The following ABCB9 variants were observed in gnomAD, a reference collection of about 807,000 sequenced individuals.
The protein encoded by ABCB9 is ABC-type oligopeptide transporter ABCB9.
A neutral mutation model predicts 62.0 loss-of-function variants in ABCB9; 36 were observed. That is an observed-to-expected ratio of 0.58 (90% confidence interval 0.45 to 0.77). The LOEUF is 0.77. Among genes scored for constraint, ABCB9 ranks in the 30% least tolerant of loss-of-function variants. The pLI, the probability that ABCB9 is intolerant of heterozygous loss-of-function variation, is 0.00. For missense variants in ABCB9, 943 were observed against 1,054.7 expected (o/e 0.89, Z 1.47); for synonymous variants, 435 against 461.4 (o/e 0.94, Z 0.73).
chr12:122,954,295 G>A (rs1240292245), intron 2 of ABCB9, among the ~76,000 whole-genome samples: 1 of 151,978 alleles, frequency 6.6e-6, no homozygotes, highest in South Asian at 2.1e-4. Flanking sequence ...AGCAACCTCT[G>A]CCTCCTGGGT....
chr12:122,925,710 C>T (rs968476353), downstream of ABCB9, among the ~76,000 whole-genome samples: 2 of 152,080 alleles, frequency 1.3e-5, no homozygotes, highest in Non-Finnish European at 2.9e-5. Context: ...ATTGCATCAC[C>T]GCACTCCAAC....
rs1210149597 is a variant in ABCB9, at chr12:122,929,414, C to T, written c.*497G>A. The T allele has an allele frequency of 1.4e-5, 14 of 986,724 alleles. No individual in the cohort carries two copies. Among genetic ancestry groups the T allele is most frequent in the Non-Finnish European group, 1.6e-5 (13 of 830,582 alleles). The allele number at this position is 986,724 out of a possible 1,614,324, so 61.1% of individuals were successfully genotyped here. A position where few individuals can be genotyped will look rare whatever the true frequency, so the allele number is the denominator to read the frequency against. On this transcript the variant is annotated 3_prime_UTR_variant, in exon 12 of 12. Transcript: ENST00000280560. The surrounding 1 kb of genome is among the most constrained non-coding windows in gnomAD (Gnocchi z 6.0). ...GGGAGAGACGGAAAATCCCGTTCCC[C>T]GTGTCTCCCTCCGGGACAGGGAAGC...
rs769519470 is a variant in ABCB9 at position 122,950,552 on chromosome 12, C to T, written c.615G>A (p.Leu205=). 3.7e-6 allele frequency: 6 copies of T among 1,612,170 alleles called. No individual in the cohort carries two copies. In the African/African-American group the frequency reaches 4.0e-5, roughly 11 times the overall value. ...CAATGGCGCGGCCCGTGTAGTAGGG[C>T]AGGAAGGTCTCTCCTGGGGGAGGCA... is the stretch of plus-strand genomic sequence containing the variant. ...LIVAALGETF[L]PYYTGRAIDG... is the part of the protein sequence containing the mutation. The change falls in exon 3 of 12, where the codon CTG becomes CTA. Residue 205 remains leucine (L), a synonymous_variant. Coordinates refer to ENST00000280560, the MANE Select transcript of ABCB9 (RefSeq NM_019625.4).
chr12:122,960,904 A>G (rs2036859975), intron 1 of ABCB9, among the ~76,000 whole-genome samples: 1 of 148,926 alleles, frequency 6.7e-6, no homozygotes, highest in Non-Finnish European at 1.5e-5. Context: ...CAAACAAACA[A>G]ACAAACATTA....
chr12:122,924,512 G>T, downstream of ABCB9: 1 of 932,410 alleles, frequency 1.1e-6, no homozygotes, highest in Non-Finnish European at 1.4e-6. Flanking sequence ...TTACAGACAT[G>T]GGCCTCTATG....
At chr12:122,931,098 C>T (rs1313571419) in intron 11 of ABCB9, among the ~76,000 whole-genome samples, 1 of 152,022 alleles carries the variant, frequency 6.6e-6, no homozygotes, top group Non-Finnish European at 1.5e-5. Flanking sequence ...AATCTCGGCT[C>T]ATTGCAACCT....
At chr12:122,956,990 C>T (rs781494437) in intron 2 of ABCB9, among the ~76,000 whole-genome samples, 61 of 151,836 alleles carry the variant, frequency 4.0e-4, no homozygotes, top group Non-Finnish European at 5.9e-4. Context: ...AGCTAACAAC[C>T]CTGAGCACTT....
upstream of ABCB9, among the ~76,000 whole-genome samples, chr12:122,968,433 G>A (rs2135939761): frequency 1.3e-5 from 2 of 152,264 alleles, no homozygotes; most frequent in Non-Finnish European, 2.9e-5. Context: ...TTCAGTAAAG[G>A]AGAACAAGGA....
At chr12:122,962,845 A>C (rs982466164) in intron 1 of ABCB9, among the ~76,000 whole-genome samples, 23 of 152,190 alleles carry the variant, frequency 1.5e-4, no homozygotes, top group African/African-American at 5.3e-4. Context: ...CATCCCTTCC[A>C]CTTAACAGAT....
intron 6 of ABCB9, among the ~76,000 whole-genome samples, chr12:122,945,675 C>T (rs1271181753): frequency 4.6e-5 from 7 of 151,990 alleles, no homozygotes; most frequent in African/African-American, 1.4e-4. Flanking sequence ...CTCAGGAGTT[C>T]GAGACCAGCC....
At chr12:122,971,704 G>C (rs185183082) in intron 1 of ABCB9, among the ~76,000 whole-genome samples, 3 of 152,054 alleles carry the variant, frequency 2.0e-5, no homozygotes, top group Non-Finnish European at 2.9e-5. Flanking sequence ...TGCCCACCTC[G>C]ACCTCCCAAA....
rs145019042 is a variant in ABCB9, at chr12:122,940,902, C to T, written c.1474G>A (p.Asp492Asn). The T allele has an allele frequency of 2.9e-5, 46 of 1,612,334 alleles. No homozygotes were observed. The highest frequency in any genetic ancestry group is 1.6e-4 in the Middle Eastern group (1 of 6,082). Residue 492 changes from aspartate to asparagine, a missense_variant, in exon 8 of 12, where the codon GAT (aspartate) becomes AAT (asparagine). By Grantham distance (23) the Asp-to-Asn change is conservative (BLOSUM62 1). Transcript: ENST00000280560. This position sits in a 1 kb window ranked among gnomAD's most constrained non-coding sequence, Gnocchi z 4.8. Reference protein sequence around the residue: ...FIDRQPTMVHDGSLAPDHLEG... With the variant: ...FIDRQPTMVHNGSLAPDHLEG... The stretch of plus-strand genomic sequence containing the variant: ...AGGTGGTCGGGGGCCAAGCTGCCAT[C>T]GTGCACCATGGTCGGCTGCCGGTCG...
At position 122,934,476 on chromosome 12, in the gene ABCB9, C is replaced by T. The variant is rs986330144; in HGVS notation, c.1903+796G>A. On this transcript the variant is annotated intron_variant, in intron 10 of 11. Coordinates refer to ENST00000280560, the MANE Select transcript of ABCB9 (RefSeq NM_019625.4). ...TTGGGAGGCAGGAGGATTGCATGAG[C>T]CCAGGAATTTGAGACCAGCCTGGGA... Among the ~76,000 whole-genome samples, 4 of 151,052 alleles carry T rather than the reference C, an allele frequency of 2.6e-5. 1 individual carries two copies. The highest frequency in any genetic ancestry group is 5.9e-5 in the Non-Finnish European group (4 of 67,722).
downstream of ABCB9, among the ~76,000 whole-genome samples, chr12:122,919,116 C>T (rs2034687227): frequency 6.6e-6 from 1 of 152,188 alleles, no homozygotes; most frequent in Admixed American, 6.6e-5. Flanking sequence ...TATGTGCATA[C>T]CACGGTTTGC....
chr12:122,963,728 A>G (rs1007888523), intron 1 of ABCB9, among the ~76,000 whole-genome samples: 7 of 152,136 alleles, frequency 4.6e-5, no homozygotes, highest in African/African-American at 1.7e-4. Context: ...GTGGGGGGAT[A>G]TAACAACCTC....
rs1450693962 is a variant in ABCB9, at chr12:122,948,801, G to A, written c.876C>T (p.Asp292=). 2 of 1,590,178 alleles carry A rather than the reference G, an allele frequency of 1.3e-6. No individual in the cohort carries two copies. Residue 292 remains aspartate, a synonymous_variant, in exon 5 of 12, where the codon GAC becomes GAT. Transcript: ENST00000280560. ...TGDLISRLTS[D]TTMVSDLVSQ... is the part of the protein sequence containing the mutation. ...AGACCAGGTCGCTGACCATGGTGGT[G>A]TCCGAGGTCAGGCGGGAGATGAGGT...
chr12:122,922,043 G>A (rs1004125669), intron 11 of ABCB9, among the ~76,000 whole-genome samples: 3 of 152,118 alleles, frequency 2.0e-5, no homozygotes, highest in East Asian at 1.9e-4. Context: ...ACGCCCGGCC[G>A]GCCGCTCAGG....
chr12:122,932,258 C>A lies in ABCB9; in HGVS notation c.1974G>T (p.Val658=). The part of the protein sequence containing the change: ...KQRVAMARAL[V]RNPPVLILDE... The stretch of plus-strand genomic sequence containing the variant: ...CCAGGATGAGGACTGGGGGGTTCCG[C>A]ACCAGAGCCCGGGCCATGGCCACCC... Residue 658 remains valine, a synonymous_variant, in exon 11 of 12, where the codon GTG becomes GTT. Coordinates refer to ENST00000280560, the MANE Select transcript of ABCB9 (RefSeq NM_019625.4). This position sits in a 1 kb window ranked among gnomAD's most constrained non-coding sequence, Gnocchi z 4.7. 1 of 1,551,646 alleles carries A rather than the reference C, an allele frequency of 6.4e-7. No homozygotes were observed. The highest frequency in any genetic ancestry group is 8.7e-7 in the Non-Finnish European group (1 of 1,147,260).
chr12:122,972,686 T>C (rs1310159929), intron 1 of ABCB9, among the ~76,000 whole-genome samples: 3 of 152,094 alleles, frequency 2.0e-5, no homozygotes, highest in Non-Finnish European at 4.4e-5. Context: ...AATTTTGTTA[T>C]ATTTTTAGTA....
Sources: allele counts gnomAD v4.1 joint callset (sites outside exome capture counted in the v4.1 genomes callset), GRCh38; gene constraint gnomAD v4.1.1; non-coding constraint Gnocchi (gnomAD v3.1); transcripts MANE v1.5; gene names NCBI Gene and HGNC (gene_info 2026-07-23, HGNC 2026-07-21).